The following ADGRL4 variants were observed in gnomAD, a reference collection of about 807,000 sequenced individuals.
The protein encoded by ADGRL4 is adhesion G protein-coupled receptor L4.
ADGRL4 carries 90 observed loss-of-function variants against 74.8 expected under a neutral mutation model. That is an observed-to-expected ratio of 1.20 (90% CI 1.02 to 1.43). The LOEUF is 1.43. ADGRL4 is among the 40% of genes most tolerant of loss of function. The pLI, the probability that ADGRL4 is intolerant of heterozygous loss-of-function variation, is 0.00. For missense variants in ADGRL4, 881 were observed against 814.3 expected, an observed-to-expected ratio of 1.08 and a Z score of -1.00; for synonymous variants, 311 against 279.2, an observed-to-expected ratio of 1.11 and a Z score of -1.14.
At chr1:78,962,841 G>T (rs1649982482) in intron 2 of ADGRL4, among the ~76,000 whole-genome samples, 1 of 151,938 alleles carries the variant, frequency 6.6e-6, no homozygotes, top group Non-Finnish European at 1.5e-5. Flanking sequence ...AAATTCTATG[G>T]CTACACAAAA....
At chr1:78,988,036 G>A (rs1650533239) in intron 2 of ADGRL4, among the ~76,000 whole-genome samples, 1 of 151,526 alleles carries the variant, frequency 6.6e-6, no homozygotes, top group South Asian at 2.1e-4. Context: ...TGACCAACTA[G>A]TAGGAAACTT....
intron 12 of ADGRL4, among the ~76,000 whole-genome samples, chr1:78,913,195 T>G (rs111878237): frequency 6.6e-6 from 1 of 151,762 alleles, no homozygotes; most frequent in East Asian, 1.9e-4. Context: ...GGTGGGAGTA[T>G]AAATTAGTTC....
chr1:78,911,591 A>G (rs531150965), intron 12 of ADGRL4, among the ~76,000 whole-genome samples: 26 of 120,198 alleles, frequency 2.2e-4, no homozygotes, highest in Non-Finnish European at 3.1e-4. Context: ...CTTATTCACT[A>G]ATATTTTAAA....
chr1:78,924,392 T>G (rs1649070292), intron 8 of ADGRL4, among the ~76,000 whole-genome samples: 2 of 151,892 alleles, frequency 1.3e-5, no homozygotes, highest in Non-Finnish European at 2.9e-5. Flanking sequence ...AAAATACATA[T>G]ATAAACTAAG....
intron 8 of ADGRL4, among the ~76,000 whole-genome samples, chr1:78,925,674 G>T (rs1649095436): frequency 6.6e-6 from 1 of 152,028 alleles, no homozygotes; most frequent in Non-Finnish European, 1.5e-5. Context: ...TTATTGAATG[G>T]AAAATATATT....
intron 12 of ADGRL4, among the ~76,000 whole-genome samples, chr1:78,901,485 C>T (rs75610788): frequency 0.016 from 2,489 of 152,158 alleles, 85 homozygotes; most frequent in African/African-American, 0.057. Context: ...AGGATTGAAC[C>T]CAGAAAATGA....
intron 7 of ADGRL4, among the ~76,000 whole-genome samples, chr1:78,931,386 G>A (rs1649239245): frequency 6.6e-6 from 1 of 151,468 alleles, no homozygotes; most frequent in Non-Finnish European, 1.5e-5. Context: ...AATGCTGAGG[G>A]ATTTCGTCAC....
intron 12 of ADGRL4, among the ~76,000 whole-genome samples, chr1:78,895,001 A>G (rs531458326): frequency 1.5e-4 from 23 of 152,010 alleles, no homozygotes; most frequent in Non-Finnish European, 2.9e-4. Context: ...ACTAGTGAAG[A>G]GAGGAAATGG....
rs11578915 is a variant in ADGRL4, at chr1:78,929,121, T to G, written c.878-2030A>C. ...CTCTTAACAAAAGTCTATTATCTTT[T>G]TATCATAAAACCATAGATCAGAGCA... On this transcript the variant is annotated intron_variant, in intron 7 of 14. Transcript: ENST00000370742. Among the ~76,000 whole-genome samples the G allele has an allele frequency of 1.3e-3, 203 of 151,676 alleles. 3 individuals carry two copies. The highest frequency in any genetic ancestry group is 4.1e-3 in the Admixed American group (62 of 15,262).
At chr1:78,969,920 T>G (rs543747888) in intron 2 of ADGRL4, among the ~76,000 whole-genome samples, 2 of 152,326 alleles carry the variant, frequency 1.3e-5, no homozygotes, top group South Asian at 4.1e-4. Context: ...ACTCTAGTTC[T>G]GAGCAATTAT....
At chr1:78,925,724 G>A (rs1053767469) in intron 8 of ADGRL4, among the ~76,000 whole-genome samples, 1 of 151,972 alleles carries the variant, frequency 6.6e-6, no homozygotes, top group Admixed American at 6.6e-5. Context: ...GTTTTCCCAG[G>A]AATTACCGTG....
At chr1:78,952,570 A>T (rs1649752880) in intron 2 of ADGRL4, among the ~76,000 whole-genome samples, 1 of 152,112 alleles carries the variant, frequency 6.6e-6, no homozygotes, top group African/African-American at 2.4e-5. Flanking sequence ...AAAAAAAAAG[A>T]ACTACAATGA....
intron 6 of ADGRL4, among the ~76,000 whole-genome samples, chr1:78,937,163 G>A (rs536562741): frequency 2.2e-4 from 33 of 152,218 alleles, no homozygotes; most frequent in Non-Finnish European, 4.0e-4. Context: ...TGTTATATCC[G>A]GCTGGGCATG....
At chr1:78,910,514 C>T (rs1648739774) in intron 12 of ADGRL4, among the ~76,000 whole-genome samples, 1 of 151,658 alleles carries the variant, frequency 6.6e-6, no homozygotes, top group Non-Finnish European at 1.5e-5. Context: ...TTAGTATTTG[C>T]CTCAATCAAG....
intron 3 of ADGRL4, among the ~76,000 whole-genome samples, chr1:78,943,981 C>T (rs1364545330): frequency 6.6e-6 from 1 of 152,064 alleles, no homozygotes; most frequent in East Asian, 1.9e-4. Context: ...CCCATTCCAC[C>T]TTAACACAAT....
At chr1:78,943,115 T>C (rs1649526601) in intron 3 of ADGRL4, among the ~76,000 whole-genome samples, 1 of 151,986 alleles carries the variant, frequency 6.6e-6, no homozygotes, top group South Asian at 2.1e-4. Context: ...CAAAGAAAGA[T>C]AAAATGTTCA....
At chr1:78,932,485 T>A (rs1649262207) in intron 7 of ADGRL4, among the ~76,000 whole-genome samples, 1 of 150,586 alleles carries the variant, frequency 6.6e-6, no homozygotes, top group Non-Finnish European at 1.5e-5. Context: ...AAATCTCAAA[T>A]CAATACCCTA....
At chr1:78,924,268 T>A (rs1301367249) in intron 8 of ADGRL4, among the ~76,000 whole-genome samples, 1 of 151,952 alleles carries the variant, frequency 6.6e-6, no homozygotes, top group African/African-American at 2.4e-5. Context: ...GAAAAATATA[T>A]TTGTGTGTGT....
At chr1:78,930,090 A>G (rs193125828) in intron 7 of ADGRL4, among the ~76,000 whole-genome samples, 1 of 151,584 alleles carries the variant, frequency 6.6e-6, no homozygotes, top group Admixed American at 6.5e-5. Context: ...ACTAGAACAT[A>G]ACAAGAAAGA....
Sources: allele counts gnomAD v4.1 joint callset (sites outside exome capture counted in the v4.1 genomes callset), GRCh38; gene constraint gnomAD v4.1.1; transcripts MANE v1.5; gene names NCBI Gene and HGNC (gene_info 2026-07-23, HGNC 2026-07-21).